Variants in UBE2H observed in about 807,000 individuals in gnomAD.
The protein encoded by UBE2H is ubiquitin-conjugating enzyme E2 H.
Under a neutral mutation model 29.0 loss-of-function variants are expected in UBE2H, and 3 were observed. The observed-to-expected ratio is 0.10, with a 90% CI of 0.05 to 0.27. The LOEUF is 0.27. Among genes scored for constraint, UBE2H ranks in the 10% least tolerant of loss-of-function variants. UBE2H has a pLI of 1.00. For missense variants in UBE2H, 68 were observed against 228.2 expected, an observed-to-expected ratio of 0.30 and a Z score of 4.52; for synonymous variants, 69 against 82.9, an observed-to-expected ratio of 0.83 and a Z score of 0.91.
intron 3 of UBE2H, among the ~76,000 whole-genome samples, chr7:129,873,717 G>C (rs1806090317): frequency 6.6e-6 from 1 of 151,916 alleles, no homozygotes; most frequent in Non-Finnish European, 1.5e-5. Flanking sequence ...GGGATTACAG[G>C]ATGAGCCACT....
chr7:129,925,338 C>A (rs1054313891), intron 1 of UBE2H, among the ~76,000 whole-genome samples: 1 of 151,294 alleles, frequency 6.6e-6, no homozygotes, highest in Admixed American at 6.6e-5. Flanking sequence ...CAGAGCAAGA[C>A]TCAGTCTCGA....
At chr7:129,949,957 C>T (rs62489382) in intron 1 of UBE2H, among the ~76,000 whole-genome samples, 19,585 of 152,168 alleles carry the variant, frequency 0.13, 1,586 homozygotes, top group East Asian at 0.3. Flanking sequence ...CCTACTTCCT[C>T]TCCACCATCT....
At chr7:129,840,582 C>A (rs963110934) in intron 5 of UBE2H, among the ~76,000 whole-genome samples, 1 of 151,850 alleles carries the variant, frequency 6.6e-6, no homozygotes, top group Non-Finnish European at 1.5e-5. Flanking sequence ...GCCCTGAGAA[C>A]CTGGGTATAA....
chr7:129,917,277 G>A (rs1794479032), intron 1 of UBE2H, among the ~76,000 whole-genome samples: 1 of 152,200 alleles, frequency 6.6e-6, no homozygotes, highest in Admixed American at 6.5e-5. Flanking sequence ...TTTTATTTTA[G>A]AACAGTCACC....
chr7:129,842,139 T>C (rs1172686860), intron 5 of UBE2H, among the ~76,000 whole-genome samples: 3 of 152,250 alleles, frequency 2.0e-5, no homozygotes, highest in African/African-American at 7.2e-5. Flanking sequence ...ACATTTCTTT[T>C]GCCTTTAAAA....
chr7:129,908,410 T>C (rs1806862265), intron 1 of UBE2H, among the ~76,000 whole-genome samples: 1 of 152,244 alleles, frequency 6.6e-6, no homozygotes, highest in African/African-American at 2.4e-5. Context: ...CATGGGCCTA[T>C]TATTGGAATA....
At position 129,832,530 on chromosome 7, in the gene UBE2H, T is replaced by C. The variant is rs988932915; in HGVS notation, c.*2407A>G. On this transcript the variant is annotated 3_prime_UTR_variant, in exon 7 of 7. Coordinates refer to ENST00000355621, the MANE Select transcript of UBE2H (RefSeq NM_003344.4). ...CTCTCTCTCTGCAGCCACACTCAAA[T>C]CTGCTAAACTCCTACAACCTCCCCC... 6.6e-6 allele frequency: 1 copy of C among 152,088 alleles called. No homozygotes were observed. Among genetic ancestry groups the C allele is most frequent in the African/African-American group, 2.4e-5 (1 of 41,322 alleles). The allele number at this position is 152,088 out of a possible 1,614,324, so 9.4% of individuals were successfully genotyped here. A position where few individuals can be genotyped will look rare whatever the true frequency, so the allele number is the denominator to read the frequency against.
At chr7:129,921,694 C>CAAAAAAAA (rs1047164274) in intron 1 of UBE2H, among the ~76,000 whole-genome samples, 1 of 68,510 alleles carries the variant, frequency 1.5e-5, no homozygotes, top group Non-Finnish European at 3.0e-5. Context: ...GACTCTGTCA[C>CAAAAAAAA]AAAAAAAAAA....
chr7:129,890,207 C>T (rs1422421717), intron 1 of UBE2H, among the ~76,000 whole-genome samples: 3 of 151,906 alleles, frequency 2.0e-5, no homozygotes, highest in African/African-American at 7.3e-5. Flanking sequence ...ATTTTAGCCT[C>T]TCAGACAGGT....
chr7:129,945,903 G>A (rs1029520754), intron 1 of UBE2H, among the ~76,000 whole-genome samples: 4 of 152,096 alleles, frequency 2.6e-5, no homozygotes, highest in East Asian at 1.9e-4. Flanking sequence ...GCGCCACCAC[G>A]CCCAGCTAAT....
intron 3 of UBE2H, among the ~76,000 whole-genome samples, chr7:129,864,042 C>T (rs1036645177): frequency 2.6e-5 from 4 of 152,178 alleles, no homozygotes; most frequent in East Asian, 1.9e-4. Flanking sequence ...ATCCACCCAC[C>T]TCAGCCTCCA....
chr7:129,904,279 G>A (rs1806773040), intron 1 of UBE2H, among the ~76,000 whole-genome samples: 1 of 151,468 alleles, frequency 6.6e-6, no homozygotes, highest in Admixed American at 6.6e-5. Context: ...ATCCTTTAAG[G>A]TGTGTCTTTT....
intron 5 of UBE2H, among the ~76,000 whole-genome samples, chr7:129,845,385 A>T (rs974835964): frequency 3.3e-5 from 5 of 152,210 alleles, no homozygotes. Context: ...CCTATCCCCA[A>T]AGAATAGACG....
At chr7:129,937,387 A>C (rs1807553546) in intron 1 of UBE2H, among the ~76,000 whole-genome samples, 1 of 152,232 alleles carries the variant, frequency 6.6e-6, no homozygotes, top group African/African-American at 2.4e-5. Flanking sequence ...ATGAAATTAC[A>C]GTCTTTATGA....
chr7:129,847,827 A>C (rs1584741267), intron 5 of UBE2H, among the ~76,000 whole-genome samples: 1 of 151,784 alleles, frequency 6.6e-6, no homozygotes, highest in Non-Finnish European at 1.5e-5. Context: ...GTTGACTCTA[A>C]CGCCCTGGCT....
intron 1 of UBE2H, among the ~76,000 whole-genome samples, chr7:129,917,266 A>G (rs1321216056): frequency 6.6e-6 from 1 of 152,200 alleles, no homozygotes; most frequent in Middle Eastern, 3.2e-3. Context: ...GCTGTTTTTC[A>G]TTTTATTTTA....
chr7:129,859,701 T>C (rs921734895), intron 3 of UBE2H, among the ~76,000 whole-genome samples: 5 of 152,258 alleles, frequency 3.3e-5, no homozygotes, highest in African/African-American at 1.2e-4. Flanking sequence ...TCAGTATATA[T>C]GCAAATGGCA....
chr7:129,918,184 C>T (rs79216895), intron 1 of UBE2H, among the ~76,000 whole-genome samples: 9,482 of 152,256 alleles, frequency 0.062, 365 homozygotes, highest in Non-Finnish European at 0.091. Flanking sequence ...AGCAATCTCT[C>T]ATATCATCAC....
chr7:129,941,988 C>A (rs1385167917), intron 1 of UBE2H, among the ~76,000 whole-genome samples: 1 of 151,284 alleles, frequency 6.6e-6, no homozygotes, highest in Non-Finnish European at 1.5e-5. Context: ...GGCAGCCAGA[C>A]CGCTTGAGCC....
Sources: allele counts gnomAD v4.1 joint callset (sites outside exome capture counted in the v4.1 genomes callset), GRCh38; gene constraint gnomAD v4.1.1; transcripts MANE v1.5; gene names NCBI Gene and HGNC (gene_info 2026-07-23, HGNC 2026-07-21).